DDX59: variants seen among roughly 807,000 people sequenced by gnomAD.
The protein encoded by DDX59 is probable ATP-dependent RNA helicase DDX59.
DDX59 carries 30 observed loss-of-function variants against 51.9 expected under a neutral mutation model. The observed-to-expected ratio is 0.58, with a 90% CI of 0.43 to 0.78. The LOEUF (loss-of-function observed/expected upper bound fraction) is 0.78, where lower values mean the gene tolerates loss of function less well. DDX59 is among the 30% of genes least tolerant of loss of function. The pLI is 0.00. For synonymous variants in DDX59, 255 were observed against 253.3 expected (o/e 1.01, Z -0.06); for missense variants, 672 against 730.8 (o/e 0.92, Z 0.93).
At chr1:200,662,714 G>A (rs946024390) in intron 3 of DDX59, among the ~76,000 whole-genome samples, 11 of 152,186 alleles carry the variant, frequency 7.2e-5, no homozygotes, top group Non-Finnish European at 1.6e-4. Flanking sequence ...GCTGTTAGAA[G>A]TTTGCAGCTA....
chr1:200,664,687 T>C (rs555164476), intron 2 of DDX59, among the ~76,000 whole-genome samples: 1 of 152,304 alleles, frequency 6.6e-6, no homozygotes, highest in Admixed American at 6.5e-5. Context: ...CACTTTTTTT[T>C]TTTTGAAAAC....
chr1:200,669,177 G>T (rs2102944808), intron 1 of DDX59, among the ~76,000 whole-genome samples: 2 of 152,268 alleles, frequency 1.3e-5, no homozygotes, highest in South Asian at 4.1e-4. Flanking sequence ...CAAAATTACA[G>T]TTATTGGGAA....
chr1:200,654,188 C>T (rs547576453), intron 4 of DDX59, among the ~76,000 whole-genome samples: 3 of 151,968 alleles, frequency 2.0e-5, no homozygotes, highest in South Asian at 4.1e-4. Flanking sequence ...CCGAGGCGGG[C>T]GGATCACGAG....
intron 4 of DDX59, among the ~76,000 whole-genome samples, chr1:200,652,241 C>T (rs1661715772): frequency 6.6e-6 from 1 of 152,046 alleles, no homozygotes; most frequent in African/African-American, 2.4e-5. Context: ...GAACCTTAAA[C>T]TCCTGGGCTC....
chr1:200,659,166 C>A, intron 3 of DDX59, 50 bp from the exon 4 acceptor site: 1 of 1,371,572 alleles, frequency 7.3e-7, no homozygotes, highest in South Asian at 1.2e-5. Flanking sequence ...TAGCTATTTT[C>A]ATTCATTCAT....
chr1:200,658,984 T>C (rs768859706), intron 4 of DDX59, 43 bp downstream of exon 4: 34 of 1,460,896 alleles, frequency 2.3e-5, no homozygotes, highest in Non-Finnish European at 3.2e-5. Flanking sequence ...TTTCCATAAA[T>C]TGTGTAAAAT....
At chr1:200,665,455 C>T (rs1315601326) in intron 2 of DDX59, among the ~76,000 whole-genome samples, 2 of 150,714 alleles carry the variant, frequency 1.3e-5, no homozygotes, top group African/African-American at 4.9e-5. Context: ...TGCACTCCAG[C>T]CTGGGCGACA....
intron 3 of DDX59, 48 bp from the exon 4 acceptor site, chr1:200,659,164 T>C (rs748588506): frequency 7.3e-7 from 1 of 1,367,910 alleles, no homozygotes; most frequent in Non-Finnish European, 1.0e-6. Flanking sequence ...AATAGCTATT[T>C]TCATTCATTC....
chr1:200,657,879 T>C (rs1408365187), intron 4 of DDX59, among the ~76,000 whole-genome samples: 1 of 151,840 alleles, frequency 6.6e-6, no homozygotes, highest in Admixed American at 6.6e-5. Context: ...ATCACACCAT[T>C]GCACTCCAGC....
chr1:200,665,491 G>A (rs2809359), intron 2 of DDX59, among the ~76,000 whole-genome samples: 147,853 of 148,338 alleles, frequency 1, 73,686 homozygotes, highest in Middle Eastern at 1. Context: ...CCCAAAAAAA[G>A]AAAAAGAAAA....
chr1:200,649,149 A>G lies in DDX59; in HGVS notation c.1392T>C (p.Val464=), dbSNP rs201462184. ...TGCTTTTCAGCCCTGTGATTTTCTG[A>G]ACGGCTTCACTCAAAAGATCTGCTC... is the stretch of plus-strand genomic sequence containing the variant. ...KLGADLLSEA[V]QKITGLKSIS... The change falls in exon 6 of 8, where the codon GTT becomes GTC. Residue 464 remains valine (V), a synonymous_variant. Transcript: ENST00000331314. The G allele has an allele frequency of 7.5e-6, 12 of 1,596,872 alleles. No individual in the cohort carries two copies. Among genetic ancestry groups the G allele is most frequent in the African/African-American group, 1.4e-5 (1 of 73,644 alleles).
At chr1:200,648,837 A>T (rs1661463814) in intron 6 of DDX59, among the ~76,000 whole-genome samples, 1 of 152,194 alleles carries the variant, frequency 6.6e-6, no homozygotes, top group African/African-American at 2.4e-5. Flanking sequence ...GATTTCAGAA[A>T]TGGTAAGTTT....
chr1:200,662,177 A>G (rs1662417553), intron 3 of DDX59, among the ~76,000 whole-genome samples: 1 of 152,174 alleles, frequency 6.6e-6, no homozygotes, highest in Non-Finnish European at 1.5e-5. Context: ...ATTTCTTTAT[A>G]GCAGTGCAAG....
chr1:200,660,295 T>C lies in DDX59; in HGVS notation c.973-1179A>G, dbSNP rs114627770. 5.8e-3 allele frequency among the ~76,000 whole-genome samples: 888 copies of C among 152,326 alleles called. 10 individuals are homozygous for C. Among genetic ancestry groups the C allele is most frequent in the African/African-American group, 0.021 (861 of 41,564 alleles). On this transcript the variant is annotated intron_variant, in intron 3 of 7. Coordinates refer to ENST00000331314, the MANE Select transcript of DDX59 (RefSeq NM_001031725.6). ...GTATTAACTTTCTCAGTTTTGTTTA[T>C]CTGAAAAGCTTTTTATGTTGTCCTT...
chr1:200,665,937 C>T lies in DDX59; in HGVS notation c.804G>A (p.Glu268=). ...TGTGAACTCTATTATTAACACTTAC[C>T]TCGAATAAAGCTCGCATGATAACAG... ...LLPVIMRALF[E]SKTPSALILT... Residue 268 remains glutamate, a splice_region_variant and synonymous_variant, in exon 2 of 8, where the codon GAG becomes GAA. Transcript: ENST00000331314. 6.3e-7 allele frequency: 1 copy of T among 1,597,206 alleles called. No individual in the cohort carries two copies. The highest frequency in any genetic ancestry group is 8.5e-7 in the Non-Finnish European group (1 of 1,172,030).
At chr1:200,654,137 G>A (rs769988003) in intron 4 of DDX59, among the ~76,000 whole-genome samples, 2 of 152,230 alleles carry the variant, frequency 1.3e-5, no homozygotes, top group South Asian at 2.1e-4. Context: ...TGAAGGGCCG[G>A]GCGTGGTGGC....
intron 7 of DDX59, among the ~76,000 whole-genome samples, chr1:200,647,709 C>T (rs1273050553): frequency 4.6e-5 from 7 of 151,548 alleles, no homozygotes; most frequent in Admixed American, 3.3e-4. Context: ...TGGTGGCTCA[C>T]GCCTGTAATT....
chr1:200,641,154 G>T, downstream of DDX59: 1 of 1,301,736 alleles, frequency 7.7e-7, no homozygotes, highest in Non-Finnish European at 1.0e-6. Context: ...TCTGTTTATG[G>T]AGTAAACTTC....
chr1:200,657,423 G>A (rs1662097149), intron 4 of DDX59, among the ~76,000 whole-genome samples: 1 of 151,840 alleles, frequency 6.6e-6, no homozygotes, highest in East Asian at 1.9e-4. Context: ...CCAGAAAAAT[G>A]CTGACTTTGC....
Sources: allele counts gnomAD v4.1 joint callset (sites outside exome capture counted in the v4.1 genomes callset), GRCh38; gene constraint gnomAD v4.1.1; transcripts MANE v1.5; gene names NCBI Gene and HGNC (gene_info 2026-07-23, HGNC 2026-07-21).